B4GALNT2: variants seen among roughly 807,000 people sequenced by gnomAD.
B4GALNT2 encodes N-acetylneuraminylgalactosylglucosyl-glucoside beta-1,4-N- acetylgalactosaminyltransferase 2.
B4GALNT2 carries 42 observed loss-of-function variants against 51.1 expected under a neutral mutation model. The observed-to-expected ratio is 0.82, with a 90% CI of 0.64 to 1.06. B4GALNT2 has a LOEUF of 1.06. Among genes scored for constraint, B4GALNT2 ranks in the 50% least tolerant of loss-of-function variants. B4GALNT2 has a pLI of 0.00. For missense variants in B4GALNT2, 602 were observed against 633.6 expected (o/e 0.95, Z 0.54); for synonymous variants, 253 against 251.7 (o/e 1.01, Z -0.05).
intron 1 of B4GALNT2, among the ~76,000 whole-genome samples, chr17:49,139,483 C>T (rs2042620419): frequency 1.3e-5 from 2 of 152,272 alleles, no homozygotes; most frequent in East Asian, 1.9e-4. Flanking sequence ...GCCTCGGCCC[C>T]CCAAAGTGCT....
chr17:49,127,622 A>G (rs2042517242), upstream of B4GALNT2, among the ~76,000 whole-genome samples: 2 of 152,236 alleles, frequency 1.3e-5, no homozygotes, highest in Non-Finnish European at 2.9e-5. Flanking sequence ...AAGAAGATCC[A>G]GTAATTATAA....
chr17:49,160,790 C>T (rs758092732), intron 7 of B4GALNT2, 149 bp downstream of exon 7: 1 of 695,830 alleles, frequency 1.4e-6, no homozygotes, highest in Non-Finnish European at 2.4e-6. Context: ...AGGAAAAAAA[C>T]TCTAAGACAC....
chr17:49,132,756 C>T, upstream of B4GALNT2: 1 of 1,390,242 alleles, frequency 7.2e-7, no homozygotes, highest in Non-Finnish European at 9.3e-7. Context: ...TGCTAGGCTC[C>T]GTGACATCCG....
rs1221470869 is a variant in B4GALNT2 at position 49,170,925 on chromosome 17, C to T, written c.*1197C>T. On this transcript the variant is annotated 3_prime_UTR_variant, in exon 11 of 11. Coordinates refer to ENST00000393354, the MANE Select transcript of B4GALNT2 (RefSeq NM_001159387.2). Reference sequence around the variant, plus strand: ...TCTGGCTAGTTATCTGCAGCAGGAACATGTCCTTAAAGCACAGATAGCTCA... The same window carrying T: ...TCTGGCTAGTTATCTGCAGCAGGAATATGTCCTTAAAGCACAGATAGCTCA... 1 of 152,944 alleles carries T rather than the reference C, an allele frequency of 6.5e-6. No individual in the cohort carries two copies. The highest frequency in any genetic ancestry group is 2.4e-5 in the African/African-American group (1 of 41,460). The allele number at this position is 152,944 out of a possible 1,614,324, so 9.5% of individuals were successfully genotyped here.
intron 3 of B4GALNT2, among the ~76,000 whole-genome samples, chr17:49,150,331 CCGTCCGGGAGGTGAGGG>C (rs2042740572): frequency 6.6e-6 from 1 of 151,512 alleles, no homozygotes; most frequent in Non-Finnish European, 1.5e-5. Context: ...GCCAGCAGCC[CCGTCCGGGAGGTGAGGG>C]GCGCCTCTGC....
chr17:49,164,918 T>A (rs182084326), intron 8 of B4GALNT2, among the ~76,000 whole-genome samples: 6 of 152,200 alleles, frequency 3.9e-5, no homozygotes, highest in African/African-American at 1.4e-4. Context: ...CTCAAGTGAT[T>A]CTCTCACCTC....
At chr17:49,151,053 T>C (rs1366430782) in intron 3 of B4GALNT2, among the ~76,000 whole-genome samples, 2 of 152,136 alleles carry the variant, frequency 1.3e-5, no homozygotes, top group African/African-American at 2.4e-5. Flanking sequence ...AGGCTAACAT[T>C]TCAACCATTG....
chr17:49,133,758 C>G (rs1455132469), intron 1 of B4GALNT2, among the ~76,000 whole-genome samples: 2 of 151,956 alleles, frequency 1.3e-5, no homozygotes, highest in Non-Finnish European at 2.9e-5. Flanking sequence ...ACTAAAAATA[C>G]AAAAATTAGC....
chr17:49,145,113 C>G (rs1272470158), intron 3 of B4GALNT2, among the ~76,000 whole-genome samples: 2 of 152,126 alleles, frequency 1.3e-5, no homozygotes, highest in Non-Finnish European at 2.9e-5. Flanking sequence ...CACAGACACA[C>G]CCTGGATCAA....
rs1236355725 is a variant in B4GALNT2, at chr17:49,174,668, T to G, written c.*4940T>G. On this transcript the variant is annotated 3_prime_UTR_variant, in exon 11 of 11. Coordinates refer to ENST00000393354, the MANE Select transcript of B4GALNT2 (RefSeq NM_001159387.2). ...AGCTATGTGTCCTTTTTCTAATTGT[T>G]CAGTAACTAAGTCCTCTGAGCCTCC... 1 of 145,292 alleles carries G rather than the reference T, an allele frequency of 6.9e-6. No homozygotes were observed. The highest frequency in any genetic ancestry group is 1.5e-5 in the Non-Finnish European group (1 of 68,002). The allele number at this position is 145,292 out of a possible 1,614,324, so 9.0% of individuals were successfully genotyped here.
intron 1 of B4GALNT2, among the ~76,000 whole-genome samples, chr17:49,134,348 C>T (rs1339408901): frequency 6.6e-6 from 1 of 152,212 alleles, no homozygotes; most frequent in Non-Finnish European, 1.5e-5. Context: ...AAACGTTTAT[C>T]ATTTCTTTGT....
At chr17:49,141,537 A>C (rs62079765) in intron 2 of B4GALNT2, 90 bp downstream of exon 2, 234,948 of 1,366,616 alleles carry the variant, frequency 0.17, 23,153 homozygotes, top group East Asian at 0.46. Context: ...CCCATTGTAC[A>C]GATGGTTCCC....
intron 1 of B4GALNT2, chr17:49,133,330 C>A: frequency 7.6e-7 from 1 of 1,308,796 alleles, no homozygotes; most frequent in Non-Finnish European, 9.9e-7. Context: ...GTTTTCAAAT[C>A]CAGGCGCCCA....
chr17:49,137,224 G>GC (rs1258609246), intron 1 of B4GALNT2, among the ~76,000 whole-genome samples: 2 of 152,142 alleles, frequency 1.3e-5, no homozygotes, highest in African/African-American at 4.8e-5. Flanking sequence ...GTTTGAATGT[G>GC]CCCCTCAGAG....
At chr17:49,162,670 A>C (rs1487226343) in intron 7 of B4GALNT2, among the ~76,000 whole-genome samples, 1 of 152,082 alleles carries the variant, frequency 6.6e-6, no homozygotes, top group African/African-American at 2.4e-5. Flanking sequence ...GCACTTTGGG[A>C]GGCCGAGGTG....
chr17:49,156,534 C>A (rs755599431), intron 4 of B4GALNT2, 32 bp from the exon 5 acceptor site: 5 of 1,612,706 alleles, frequency 3.1e-6, no homozygotes, highest in Admixed American at 1.7e-5. Flanking sequence ...CTTTCATGAG[C>A]AGTTTTCTTT....
chr17:49,169,543 G>T lies in B4GALNT2; in HGVS notation c.1336G>T (p.Gly446Trp), dbSNP rs1301162398. The T allele has an allele frequency of 6.2e-7, 1 of 1,611,888 alleles. No homozygotes were observed. The highest frequency in any genetic ancestry group is 1.1e-5 in the South Asian group (1 of 90,980). Reference protein sequence around the residue: ...AHSEFFIDGLGTLLVGSCPEV... With the variant: ...AHSEFFIDGLWTLLVGSCPEV... The stretch of plus-strand genomic sequence containing the variant: ...TGCAGAATTCTTCATTGATGGGCTA[G>T]GGACCCTACTCGTGGGGTCATGCCC... The change falls in exon 11 of 11, where the codon GGG becomes TGG. Residue 446 changes from glycine (G) to tryptophan (W), a missense_variant. Gly to Trp is a radical substitution (Grantham distance 184). Coordinates refer to ENST00000393354, the MANE Select transcript of B4GALNT2 (RefSeq NM_001159387.2).
chr17:49,122,008 T>C, the B4GALNT2 span, among the ~76,000 whole-genome samples: 1 of 152,214 alleles, frequency 6.6e-6, no homozygotes, highest in African/African-American at 2.4e-5. Context: ...GTATTGGTTT[T>C]AGGGTGAGAA....
chr17:49,137,093 A>G (rs561812514), intron 1 of B4GALNT2, among the ~76,000 whole-genome samples: 7 of 152,282 alleles, frequency 4.6e-5, no homozygotes, highest in African/African-American at 1.7e-4. Flanking sequence ...AGAGATTGAC[A>G]AGAAAAGGAA....
Sources: gnomAD v4.1 joint callset for allele counts (sites outside exome capture counted in the v4.1 genomes callset) on GRCh38, gnomAD v4.1.1 for gene constraint, MANE v1.5 for transcripts, NCBI Gene and HGNC (gene_info 2026-07-23, HGNC 2026-07-21) for gene names.